The following CLCNKB variants were observed in gnomAD, a reference collection of about 807,000 sequenced individuals.
CLCNKB encodes the protein chloride voltage-gated channel Kb.
A neutral mutation model predicts 83.8 loss-of-function variants in CLCNKB; 74 were observed. That is an observed-to-expected ratio of 0.88 (90% CI 0.73 to 1.07). The LOEUF (loss-of-function observed/expected upper bound fraction) is 1.07, where lower values mean the gene tolerates loss of function less well. CLCNKB is among the 50% of genes least tolerant of loss of function. The pLI is 0.00. For synonymous variants in CLCNKB, 358 were observed against 356.6 expected (o/e 1.00, Z -0.04); for missense variants, 798 against 893.6 (o/e 0.89, Z 1.36).
intron 4 of CLCNKB, 55 bp from the exon 5 acceptor site, chr1:16,047,850 T>G (rs983765379): frequency 1.2e-3 from 1,925 of 1,562,754 alleles, no homozygotes; most frequent in Middle Eastern, 1.5e-3. Context: ...GGTAGAGTGT[T>G]GAGATTTTTA....
chr1:16,053,770 C>T lies in CLCNKB; in HGVS notation c.1754C>T (p.Thr585Ile), dbSNP rs1466854773. The T allele has an allele frequency of 1.9e-6, 3 of 1,613,702 alleles. No individual in the cohort carries two copies. The highest frequency in any genetic ancestry group is 2.2e-5 in the East Asian group (1 of 44,858). ...DVAKYPLVES[T>I]ESQILVGIVR... ...GCCAAGTATCCCCTGGTGGAGAGCACAGGTGCCCAGCCGGAAGGGAGGAGG... is the reference window on the plus strand; with the variant it reads ...GCCAAGTATCCCCTGGTGGAGAGCATAGGTGCCCAGCCGGAAGGGAGGAGG... The change falls in exon 16 of 20, where the codon ACA becomes ATA. Residue 585 changes from threonine to isoleucine, a missense_variant and splice_region_variant. Transcript: ENST00000375679.
chr1:16,044,573 C>T lies in CLCNKB; in HGVS notation c.81C>T (p.Arg27=), dbSNP rs1187513682. ...TLQELWGPCP[R]IRRGIRGGLE... ...AGGAGCTGTGGGGCCCCTGTCCCCG[C>T]ATCCGCCGAGGCATCCGAGGTGAGA... is the stretch of plus-strand genomic sequence containing the variant. The change falls in exon 2 of 20, where the codon CGC becomes CGT. Residue 27 remains arginine, a synonymous_variant. Coordinates refer to ENST00000375679, the MANE Select transcript of CLCNKB (RefSeq NM_000085.5). The T allele has an allele frequency of 1.2e-6, 2 of 1,601,960 alleles. No individual in the cohort carries two copies. The highest frequency in any genetic ancestry group is 1.7e-6 in the Non-Finnish European group (2 of 1,175,274).
chr1:16,044,652 C>T lies in CLCNKB; in HGVS notation c.100+60C>T, dbSNP rs1037234777. 31 of 1,376,982 alleles carry T rather than the reference C, an allele frequency of 2.3e-5. No individual in the cohort carries two copies. In the Admixed American group the frequency reaches 4.5e-4, roughly 20 times the overall value. 85.3% of individuals were successfully genotyped at this position (1,376,982 alleles called of 1,614,324 possible). ...GACCACTCAGGACATCATTCCTGCC[C>T]AGCTCCCACCCCACCTCCCTGCCCA... On this transcript the variant is annotated intron_variant, in intron 2 of 19. Transcript: ENST00000375679.
Position 16,051,535 on chromosome 1 carries a change from A to C in CLCNKB, c.1285A>C (p.Ile429Leu). 1 of 1,613,962 alleles carries C rather than the reference A, an allele frequency of 6.2e-7. No homozygotes were observed. Among genetic ancestry groups the C allele is most frequent in the Non-Finnish European group, 8.5e-7 (1 of 1,179,954 alleles). ...CATGCCTGCCGGGTACTTCATGCCCATCTTTGTCTATGGTGAGTCTGGGGT... is the reference window on the plus strand; with the variant it reads ...CATGCCTGCCGGGTACTTCATGCCCCTCTTTGTCTATGGTGAGTCTGGGGT... ...IPMPAGYFMP[I>L]FVYGAAIGRL... The change falls in exon 13 of 20, where the codon ATC becomes CTC. Residue 429 changes from isoleucine to leucine, a missense_variant. Coordinates refer to ENST00000375679, the MANE Select transcript of CLCNKB (RefSeq NM_000085.5).
chr1:16,044,268 C>A (rs1169466110), intron 1 of CLCNKB, among the ~76,000 whole-genome samples: 1 of 152,012 alleles, frequency 6.6e-6, no homozygotes, highest in Non-Finnish European at 1.5e-5. Flanking sequence ...CCACCCCCAT[C>A]CCACACAATG....
rs34476179 is a variant in CLCNKB, at chr1:16,044,459, G to C, written c.-7-27G>C. Reference sequence around the variant, plus strand: ...GCGAGGACGTGCAGCAGCTCACCGCGGTCCCTCCCTCTATCCGCTTCTCCA... The same window carrying C: ...GCGAGGACGTGCAGCAGCTCACCGCCGTCCCTCCCTCTATCCGCTTCTCCA... On this transcript the variant is annotated intron_variant, in intron 1 of 19. Coordinates refer to ENST00000375679, the MANE Select transcript of CLCNKB (RefSeq NM_000085.5). 2.2e-5 allele frequency: 35 copies of C among 1,564,316 alleles called. No homozygotes were observed. The African/African-American group carries it at 4.3e-4, about 19-fold the overall frequency.
chr1:16,045,674 A>G lies in CLCNKB; in HGVS notation c.217A>G (p.Ser73Gly). 1.2e-6 allele frequency: 2 copies of G among 1,600,994 alleles called. No homozygotes were observed. The highest frequency in any genetic ancestry group is 1.7e-6 in the Non-Finnish European group (2 of 1,171,254). ...CTGTGCCATGGACTTGGCTGTTGAG[A>G]GTGTGGTCCGAGGTAACCCCTCCAT... ...VSCAMDLAVESVVRAHQWLYR... is the reference protein window; with the variant it reads ...VSCAMDLAVEGVVRAHQWLYR... Residue 73 changes from serine to glycine, a missense_variant, in exon 3 of 20, where the codon AGT becomes GGT. By Grantham distance (56) the Ser-to-Gly change is moderately conservative. Transcript: ENST00000375679.
At chr1:16,052,105 A>C (rs2023312432) in intron 14 of CLCNKB, 93 bp from the exon 15 acceptor site, 1 of 1,504,938 alleles carries the variant, frequency 6.6e-7, no homozygotes, top group Non-Finnish European at 9.2e-7. Context: ...CTTACAAATC[A>C]CACCTTAGCC....
chr1:16,056,844 C>T (rs754253574), intron 19 of CLCNKB, 25 bp from the exon 20 acceptor site: 3 of 1,049,632 alleles, frequency 2.9e-6, no homozygotes, highest in Admixed American at 4.4e-5. Context: ...TCCCCCCGCA[C>T]CTCCACCCCC....
Position 16,046,531 on chromosome 1 carries a change from C to A in CLCNKB, c.230-4C>A. 2 of 1,613,800 alleles carry A rather than the reference C, an allele frequency of 1.2e-6. No individual in the cohort carries two copies. The highest frequency in any genetic ancestry group is 1.7e-6 in the Non-Finnish European group (2 of 1,180,008). Reference sequence around the variant, plus strand: ...GTGCCTCCCTGATACCCGGCTGTCCCCAGCGCACCAGTGGCTGTACAGGGA... The same window carrying A: ...GTGCCTCCCTGATACCCGGCTGTCCACAGCGCACCAGTGGCTGTACAGGGA... On this transcript the variant is annotated splice_region_variant and splice_polypyrimidine_tract_variant and intron_variant, in intron 3 of 19. Coordinates refer to ENST00000375679, the MANE Select transcript of CLCNKB (RefSeq NM_000085.5).
Position 16,052,547 on chromosome 1 carries a change from T to A in CLCNKB, c.1622+136T>A, listed in dbSNP as rs1380825574. On this transcript the variant is annotated intron_variant, in intron 15 of 19. Coordinates refer to ENST00000375679, the MANE Select transcript of CLCNKB (RefSeq NM_000085.5). ...GGGCTGACACACAGCTGTGCTCTGTTCTCCACTCTCCCCAGTGCCCCGGGT... is the reference window on the plus strand; with the variant it reads ...GGGCTGACACACAGCTGTGCTCTGTACTCCACTCTCCCCAGTGCCCCGGGT... The A allele has an allele frequency of 7.4e-6, 9 of 1,214,360 alleles. No homozygotes were observed. The East Asian group carries it at 2.3e-4, about 31-fold the overall frequency. 75.2% of individuals were successfully genotyped at this position (1,214,360 alleles called of 1,614,324 possible). A position where few individuals can be genotyped will look rare whatever the true frequency, so the allele number is the denominator to read the frequency against.
rs757417541 is a variant in CLCNKB, at chr1:16,049,260, C to T, written c.781+15C>T. 9 of 1,612,926 alleles carry T rather than the reference C, an allele frequency of 5.6e-6. No homozygotes were observed. The highest frequency in any genetic ancestry group is 3.4e-6 in the Non-Finnish European group (4 of 1,179,722). On this transcript the variant is annotated intron_variant, in intron 8 of 19. Coordinates refer to ENST00000375679, the MANE Select transcript of CLCNKB (RefSeq NM_000085.5). ...CAGCGAGCAGGGTGAGCCCCCTGGG[C>T]TGCCTGACCCTGGCCCTGCCTGGGG...
chr1:16,046,217 C>T (rs574672001), intron 3 of CLCNKB, among the ~76,000 whole-genome samples: 1 of 152,324 alleles, frequency 6.6e-6, no homozygotes, highest in South Asian at 2.1e-4. Flanking sequence ...TTCTCAGTGG[C>T]CCTTTAGTCT....
rs751020928 is a variant in CLCNKB at position 16,049,139 on chromosome 1, G to A, written c.675G>A (p.Glu225=). The change falls in exon 8 of 20, where the codon GAG becomes GAA. Residue 225 remains glutamate (E), a synonymous_variant. Coordinates refer to ENST00000375679, the MANE Select transcript of CLCNKB (RefSeq NM_000085.5). ...APFSGVLFSI[E]VMSSHFSVWD... ...CCCCAGGCGTCCTGTTCAGCATCGA[G>A]GTCATGTCTTCCCACTTCTCTGTCT... 6.2e-7 allele frequency: 1 copy of A among 1,613,538 alleles called. No individual in the cohort carries two copies. Among genetic ancestry groups the A allele is most frequent in the South Asian group, 1.1e-5 (1 of 91,044 alleles).
At chr1:16,049,482 G>T in intron 8 of CLCNKB, 136 bp from the exon 9 acceptor site, 2 of 1,514,632 alleles carry the variant, frequency 1.3e-6, no homozygotes, top group Non-Finnish European at 1.8e-6. Context: ...GAGCCTGGTT[G>T]TGGGGGCCTG....
rs762120487 is a variant in CLCNKB, at chr1:16,055,563, G to T, written c.1845+40G>T. ...GGGGCATGGGGATGGGGCGGGGGTG[G>T]GTCAGCAGGAATGGGAGGAGAGGGG... is the stretch of plus-strand genomic sequence containing the variant. On this transcript the variant is annotated intron_variant, in intron 17 of 19. Coordinates refer to ENST00000375679, the MANE Select transcript of CLCNKB (RefSeq NM_000085.5). 4 of 1,493,940 alleles carry T rather than the reference G, an allele frequency of 2.7e-6. No homozygotes were observed. The African/African-American group carries it at 4.1e-5, about 15-fold the overall frequency. The allele number at this position is 1,493,940 out of a possible 1,614,324, so 92.5% of individuals were successfully genotyped here.
chr1:16,050,740 A>C (rs2023260471), intron 11 of CLCNKB, 135 bp from the exon 12 acceptor site: 1 of 1,491,912 alleles, frequency 6.7e-7, no homozygotes, highest in South Asian at 1.2e-5. Flanking sequence ...CAGCTTCGGG[A>C]GGTCAGAGCC....
chr1:16,050,958 C>G lies in CLCNKB; in HGVS notation c.1137C>G (p.Pro379=), dbSNP rs369375366. The G allele has an allele frequency of 1.2e-6, 2 of 1,613,840 alleles. No individual in the cohort carries two copies. Among genetic ancestry groups the G allele is most frequent in the African/African-American group, 1.3e-5 (1 of 75,002 alleles). The part of the protein sequence containing the change: ...LMTQNSSPPW[P]EELDPQHLWW... ...CCCAGAACTCCAGCCCACCCTGGCC[C>G]GAGGAGCTCGACCCCCAGCACCTGT... is the stretch of plus-strand genomic sequence containing the variant. Residue 379 remains proline (P), a synonymous_variant, in exon 12 of 20, where the codon CCC becomes CCG. Transcript: ENST00000375679.
chr1:16,049,733 C>A (rs753810874), intron 9 of CLCNKB, 31 bp downstream of exon 9: 1 of 1,598,190 alleles, frequency 6.3e-7, no homozygotes. Flanking sequence ...CCTGAGAGTC[C>A]AAAAGGCATT....
Sources: gnomAD v4.1 joint callset for allele counts (sites outside exome capture counted in the v4.1 genomes callset) on GRCh38, gnomAD v4.1.1 for gene constraint, MANE v1.5 for transcripts, NCBI Gene and HGNC (gene_info 2026-07-23, HGNC 2026-07-21) for gene names.